The following SLC30A8 variants were observed in gnomAD, a reference collection of about 807,000 sequenced individuals.
The protein encoded by SLC30A8 is proton-coupled zinc antiporter SLC30A8.
SLC30A8 carries 27 observed loss-of-function variants against 36.9 expected under a neutral mutation model. The ratio of observed to expected loss-of-function variants is 0.73; its 90% CI spans 0.54 to 1.01. The LOEUF is 1.01. Ranked by LOEUF, SLC30A8 falls within the 50% of genes least tolerant of loss-of-function variation. The probability of loss-of-function intolerance (pLI) is 0.00; values close to 1 mark genes in which losing one functional copy is unlikely to be tolerated. For missense variants in SLC30A8, 439 were observed against 452.0 expected, an observed-to-expected ratio of 0.97 and a Z score of 0.26; for synonymous variants, 164 against 172.4, an observed-to-expected ratio of 0.95 and a Z score of 0.38.
At chr8:117,153,957 A>G (rs543109846) in intron 3 of SLC30A8, among the ~76,000 whole-genome samples, 12 of 152,220 alleles carry the variant, frequency 7.9e-5, no homozygotes, top group African/African-American at 2.6e-4. Flanking sequence ...TTCTCAACTC[A>G]TAATTATAGG....
chr8:117,166,063 C>A (rs972505638), intron 6 of SLC30A8, among the ~76,000 whole-genome samples: 1 of 152,078 alleles, frequency 6.6e-6, no homozygotes, highest in African/African-American at 2.4e-5. Context: ...TTCTATAGCA[C>A]TACAGAATGA....
chr8:116,956,542 G>A (rs978779018), intron 1 of SLC30A8, among the ~76,000 whole-genome samples: 6 of 152,052 alleles, frequency 3.9e-5, no homozygotes, highest in South Asian at 2.1e-4. Flanking sequence ...TGCTTACAAC[G>A]AAAATACAAT....
intron 5 of SLC30A8, among the ~76,000 whole-genome samples, chr8:117,162,858 C>T (rs138045262): frequency 1.1e-4 from 16 of 152,254 alleles, no homozygotes; most frequent in Admixed American, 2.6e-4. Context: ...CACCCTGAGG[C>T]GACTGAGCAA....
At chr8:117,029,291 C>T (rs1206874062) in intron 1 of SLC30A8, among the ~76,000 whole-genome samples, 3 of 152,142 alleles carry the variant, frequency 2.0e-5, no homozygotes, top group East Asian at 1.9e-4. Context: ...TACTCAGGTC[C>T]TTGCAATTGT....
chr8:117,160,891 T>C lies in SLC30A8; in HGVS notation c.573-847T>C, dbSNP rs533131460. Among the ~76,000 whole-genome samples, 5 of 152,346 alleles carry C rather than the reference T, an allele frequency of 3.3e-5. No individual in the cohort carries two copies. In the South Asian group the frequency reaches 8.3e-4, roughly 25 times the overall value. On this transcript the variant is annotated intron_variant, in intron 4 of 7. Coordinates refer to ENST00000456015, the MANE Select transcript of SLC30A8 (RefSeq NM_173851.3). ...ATGGGATACATGGTGTTGAACAATATGTTGCTGCTTTTAAATCTTTGTTCC... is the reference window on the plus strand; with the variant it reads ...ATGGGATACATGGTGTTGAACAATACGTTGCTGCTTTTAAATCTTTGTTCC...
intron 2 of SLC30A8, among the ~76,000 whole-genome samples, chr8:117,080,150 A>T (rs1038409680): frequency 3.9e-5 from 6 of 152,126 alleles, no homozygotes; most frequent in Non-Finnish European, 5.9e-5. Context: ...ACAATTTTTT[A>T]AAAATCTTTT....
chr8:117,006,955 GTTTTTTTTTTTTTTT>G (rs869111415), intron 1 of SLC30A8: 2 of 38,122 alleles, frequency 5.2e-5, no homozygotes, highest in Middle Eastern at 0.036. Context: ...GCTAATTCTT[GTTTTTTTTTTTTTTT>G]TTTTTTTTTT....
In SLC30A8 at chr8:117,147,154, G is replaced by A. The variant is rs768636602; in HGVS notation, c.271+1G>A. 5 of 1,613,224 alleles carry A rather than the reference G, an allele frequency of 3.1e-6. 1 individual carries two copies. In the South Asian group the frequency reaches 5.5e-5, roughly 18 times the overall value. ...ATTTTCATGATTGCAGAGGTCGTGG[G>A]TGAGTCTTTCTGCAGACTTTTTTCA... On this transcript the variant is annotated splice_donor_variant, in intron 2 of 7. Transcript: ENST00000456015. LOFTEE classifies it high-confidence loss of function.
intron 1 of SLC30A8, among the ~76,000 whole-genome samples, chr8:116,976,320 C>A (rs1815008327): frequency 1.3e-5 from 2 of 150,964 alleles, no homozygotes; most frequent in Non-Finnish European, 2.9e-5. Flanking sequence ...GGGTGTGTCA[C>A]TGATTGTGTG....
In SLC30A8 at chr8:117,062,539, A is replaced by G. The variant is rs191714477; in HGVS notation, c.-226+23281A>G. On this transcript the variant is annotated intron_variant, in intron 2 of 10. Coordinates refer to the SLC30A8 transcript ENST00000427715. ...GCGCTAAGCCATTCATGAGAGATACACCCCTGATCCAAACACCTCTCACCA... is the reference window on the plus strand; with the variant it reads ...GCGCTAAGCCATTCATGAGAGATACGCCCCTGATCCAAACACCTCTCACCA... Among the ~76,000 whole-genome samples the G allele has an allele frequency of 2.0e-5, 3 of 152,290 alleles. No individual in the cohort carries two copies. In the East Asian group the frequency reaches 5.8e-4, roughly 29 times the overall value.
At chr8:117,082,862 C>A (rs1002855923) in intron 2 of SLC30A8, among the ~76,000 whole-genome samples, 1 of 152,086 alleles carries the variant, frequency 6.6e-6, no homozygotes, top group African/African-American at 2.4e-5. Context: ...GACAAGAGCT[C>A]AGGAGAAGGG....
upstream of SLC30A8, among the ~76,000 whole-genome samples, chr8:117,131,389 T>C (rs537096583): frequency 3.3e-5 from 5 of 152,148 alleles, no homozygotes; most frequent in African/African-American, 1.2e-4. Flanking sequence ...TTTATAGTTA[T>C]GTGAGAATGC....
intron 2 of SLC30A8, among the ~76,000 whole-genome samples, chr8:117,082,647 A>G (rs1277789660): frequency 6.6e-6 from 1 of 152,206 alleles, no homozygotes; most frequent in Non-Finnish European, 1.5e-5. Context: ...GACCTACTAG[A>G]ATAATGTAGA....
At chr8:117,033,986 C>T (rs1458776670) in intron 1 of SLC30A8, among the ~76,000 whole-genome samples, 1 of 152,166 alleles carries the variant, frequency 6.6e-6, no homozygotes, top group Non-Finnish European at 1.5e-5. Context: ...CAGAGGTCAG[C>T]CCAATTCTGA....
At chr8:116,976,830 T>TCTTTTCTTTTCTTTTCTTTTC (rs1815043951) in intron 1 of SLC30A8, among the ~76,000 whole-genome samples, 19 of 142,680 alleles carry the variant, frequency 1.3e-4, no homozygotes, top group African/African-American at 5.7e-4. Flanking sequence ...TTCTTTTTTT[T>TCTTTTCTTTTCTTTTCTTTTC]TTTTTTTTAC....
intron 1 of SLC30A8, among the ~76,000 whole-genome samples, chr8:116,956,125 ATTCATATTCT>A (rs1814193779): frequency 6.6e-6 from 1 of 152,214 alleles, no homozygotes; most frequent in Admixed American, 6.5e-5. Flanking sequence ...TTAAAGCAGG[ATTCATATTCT>A]GTCATGCATA....
Position 117,153,065 on chromosome 8 carries a change from G to T in SLC30A8, c.393G>T (p.Arg131=). ...TGTCATCGAAGCCTCCCTCTAAGCGGCTGACATTTGGATGGCACCGAGCAG... is the reference window on the plus strand; with the variant it reads ...TGTCATCGAAGCCTCCCTCTAAGCGTCTGACATTTGGATGGCACCGAGCAG... ...LWLSSKPPSK[R]LTFGWHRAEI... Residue 131 remains arginine (R), a synonymous_variant, in exon 3 of 8, where the codon CGG becomes CGT. Transcript: ENST00000456015. The T allele has an allele frequency of 6.2e-7, 1 of 1,611,426 alleles. No homozygotes were observed. The highest frequency in any genetic ancestry group is 8.5e-7 in the Non-Finnish European group (1 of 1,178,186).
chr8:117,012,890 A>T (rs1390717125), intron 1 of SLC30A8, among the ~76,000 whole-genome samples: 1 of 151,998 alleles, frequency 6.6e-6, no homozygotes, highest in Non-Finnish European at 1.5e-5. Context: ...TGTTTTAATT[A>T]TAGTGGTCAT....
At chr8:116,975,078 A>G (rs904819977) in intron 1 of SLC30A8, among the ~76,000 whole-genome samples, 6 of 151,754 alleles carry the variant, frequency 4.0e-5, no homozygotes, top group Non-Finnish European at 7.4e-5. Flanking sequence ...AGATATACCT[A>G]ATGTATACCT....
Sources: allele counts gnomAD v4.1 joint callset (sites outside exome capture counted in the v4.1 genomes callset), GRCh38; gene constraint gnomAD v4.1.1; transcripts MANE v1.5; gene names NCBI Gene and HGNC (gene_info 2026-07-23, HGNC 2026-07-21).